WDR7: variants seen among roughly 807,000 people sequenced by gnomAD.
WDR7 encodes the protein WD repeat domain 7, also known as WD repeat-containing protein 7.
A neutral mutation model predicts 169.4 loss-of-function variants in WDR7; 46 were observed. The observed-to-expected ratio is 0.27, with a 90% CI of 0.21 to 0.35. The LOEUF (loss-of-function observed/expected upper bound fraction) is 0.35. Ranked by LOEUF, WDR7 falls within the 10% of genes least tolerant of loss-of-function variation. The pLI is 1.00. For synonymous variants in WDR7, 612 were observed against 666.8 expected, an observed-to-expected ratio of 0.92 and a Z score of 1.27; for missense variants, 1,534 against 1,859.3, an observed-to-expected ratio of 0.83 and a Z score of 3.22.
chr18:56,686,426 C>G (rs2025445612), intron 6 of WDR7, among the ~76,000 whole-genome samples: 1 of 151,916 alleles, frequency 6.6e-6, no homozygotes, highest in Admixed American at 6.6e-5. Flanking sequence ...GCTTGAATTC[C>G]TTGTTCTTTT....
intron 7 of WDR7, among the ~76,000 whole-genome samples, chr18:56,689,069 A>T (rs2025508956): frequency 6.6e-6 from 1 of 152,178 alleles, no homozygotes; most frequent in African/African-American, 2.4e-5. Flanking sequence ...TGAAAGCCAG[A>T]TGGCCAGTAA....
At chr18:56,937,307 G>A (rs552821889) in intron 23 of WDR7, among the ~76,000 whole-genome samples, 1 of 152,018 alleles carries the variant, frequency 6.6e-6, no homozygotes, top group Non-Finnish European at 1.5e-5. Context: ...CAGGAGGATG[G>A]CTTAAGCCTA....
chr18:56,967,419 T>C (rs1424126552), intron 26 of WDR7, among the ~76,000 whole-genome samples: 1 of 152,066 alleles, frequency 6.6e-6, no homozygotes, highest in East Asian at 1.9e-4. Flanking sequence ...TTTAAGTATC[T>C]AACTCCCTAT....
intron 20 of WDR7, among the ~76,000 whole-genome samples, chr18:56,828,068 G>A (rs1599079495): frequency 6.6e-6 from 1 of 152,210 alleles, no homozygotes; most frequent in South Asian, 2.1e-4. Context: ...TTATAAATCA[G>A]TTTTGAGTGA....
intron 14 of WDR7, among the ~76,000 whole-genome samples, chr18:56,734,591 T>A (rs2026657363): frequency 6.6e-6 from 1 of 151,496 alleles, no homozygotes; most frequent in Non-Finnish European, 1.5e-5. Context: ...CTCTTTTCCC[T>A]TCCCTACCCT....
intron 20 of WDR7, among the ~76,000 whole-genome samples, chr18:56,816,869 A>C (rs554173449): frequency 6.6e-6 from 1 of 152,342 alleles, no homozygotes; most frequent in Admixed American, 6.5e-5. Context: ...GTTAAAATTT[A>C]AAATTTGATC....
In WDR7 at chr18:56,779,558, A is replaced by G. The variant is rs746354360; in HGVS notation, c.3066+9A>G. 4 of 1,606,948 alleles carry G rather than the reference A, an allele frequency of 2.5e-6. No individual in the cohort carries two copies. The African/African-American group carries it at 4.0e-5, about 16-fold the overall frequency. ...AAGATCGATGCTTGGAGGTAATGCT[A>G]AAGTGATAAGGATAGAAAACAAAAA... On this transcript the variant is annotated intron_variant, in intron 18 of 27. Coordinates refer to ENST00000254442, the MANE Select transcript of WDR7 (RefSeq NM_015285.3).
chr18:56,852,126 C>A (rs1265652955), intron 20 of WDR7, among the ~76,000 whole-genome samples: 1 of 152,112 alleles, frequency 6.6e-6, no homozygotes, highest in Non-Finnish European at 1.5e-5. Flanking sequence ...CTTCTCCAAC[C>A]CTGTTCCCAC....
At chr18:56,965,725 C>T (rs972993877) in intron 26 of WDR7, among the ~76,000 whole-genome samples, 2 of 151,880 alleles carry the variant, frequency 1.3e-5, no homozygotes, top group African/African-American at 4.8e-5. Flanking sequence ...ATTATCTGGC[C>T]CTTTACAGAA....
intron 2 of WDR7, among the ~76,000 whole-genome samples, chr18:56,678,383 C>T (rs2025285608): frequency 6.6e-6 from 1 of 152,178 alleles, no homozygotes; most frequent in South Asian, 2.1e-4. Context: ...TTGTATTCTT[C>T]ACTGTCTGGA....
chr18:56,684,210 G>A (rs569087940), intron 5 of WDR7, among the ~76,000 whole-genome samples: 1 of 152,188 alleles, frequency 6.6e-6, no homozygotes, highest in South Asian at 2.1e-4. Context: ...TCTTTTTCTG[G>A]GACAAGAAGT....
chr18:56,955,996 T>C (rs1343384296), intron 25 of WDR7, among the ~76,000 whole-genome samples: 1 of 152,138 alleles, frequency 6.6e-6, no homozygotes. Context: ...CCAGGAAACA[T>C]TTTTGATCTT....
intron 12 of WDR7, chr18:56,699,845 G>A (rs959621910): frequency 1.0e-6 from 1 of 985,430 alleles, no homozygotes; most frequent in Non-Finnish European, 1.2e-6. Context: ...AGATGCTGCA[G>A]CTGGAAGTTG....
intron 13 of WDR7, among the ~76,000 whole-genome samples, chr18:56,718,664 G>A (rs953904051): frequency 1.3e-4 from 20 of 152,202 alleles, no homozygotes; most frequent in Non-Finnish European, 1.9e-4. Flanking sequence ...TAGCTTAAAA[G>A]CACAGACAAT....
At chr18:56,920,353 AT>A (rs2046697501) in intron 21 of WDR7, among the ~76,000 whole-genome samples, 1 of 152,250 alleles carries the variant, frequency 6.6e-6, no homozygotes, top group Non-Finnish European at 1.5e-5. Context: ...TATAAAAATT[AT>A]AACACAATGC....
At chr18:56,835,678 T>A (rs2045384088) in intron 20 of WDR7, among the ~76,000 whole-genome samples, 1 of 152,184 alleles carries the variant, frequency 6.6e-6, no homozygotes, top group Non-Finnish European at 1.5e-5. Flanking sequence ...GTGACAAATA[T>A]TTATTGGTGG....
intron 12 of WDR7, among the ~76,000 whole-genome samples, chr18:56,709,477 C>T (rs1427820581): frequency 6.6e-6 from 1 of 152,116 alleles, no homozygotes; most frequent in African/African-American, 2.4e-5. Flanking sequence ...GTATTCATGA[C>T]ATGTTAGTCA....
chr18:56,679,339 C>T lies in WDR7; in HGVS notation c.167C>T (p.Pro56Leu). 1 of 1,607,564 alleles carries T rather than the reference C, an allele frequency of 6.2e-7. No homozygotes were observed. Among genetic ancestry groups the T allele is most frequent in the Non-Finnish European group, 8.5e-7 (1 of 1,175,434 alleles). ...ATATTTTTGCATTTCTAGATTAATC[C>T]TCGAGCACTGTTGTTTGGTCATACA... is the stretch of plus-strand genomic sequence containing the variant. ...WDLSVELQIN[P>L]RALLFGHTAS... The change falls in exon 3 of 28, where the codon CCT (proline) becomes CTT (leucine). Residue 56 changes from proline to leucine, a missense_variant. Pro to Leu is a moderately conservative substitution (Grantham distance 98). Transcript: ENST00000254442.
chr18:56,824,157 A>C (rs2045154797), intron 20 of WDR7, among the ~76,000 whole-genome samples: 2 of 152,178 alleles, frequency 1.3e-5, no homozygotes, highest in South Asian at 4.1e-4. Context: ...CATACTTTGC[A>C]TGTGCCCCTC....
Sources: allele counts gnomAD v4.1 joint callset (sites outside exome capture counted in the v4.1 genomes callset), GRCh38; gene constraint gnomAD v4.1.1; transcripts MANE v1.5; gene names NCBI Gene and HGNC (gene_info 2026-07-23, HGNC 2026-07-21).